MACROD2: variants seen among roughly 807,000 people sequenced by gnomAD.
MACROD2 encodes the protein ADP-ribose glycohydrolase MACROD2.
MACROD2 carries 36 observed loss-of-function variants against 70.4 expected under a neutral mutation model. That is an observed-to-expected ratio of 0.51 (90% CI 0.39 to 0.68). The LOEUF (loss-of-function observed/expected upper bound fraction) is 0.68, where lower values mean the gene tolerates loss of function less well. Among genes scored for constraint, MACROD2 ranks in the 30% least tolerant of loss-of-function variants. The probability of loss-of-function intolerance (pLI) is 0.00; values close to 1 mark genes in which losing one functional copy is unlikely to be tolerated. For missense variants in MACROD2, 496 were observed against 538.4 expected (o/e 0.92, Z 0.78); for synonymous variants, 172 against 178.8 (o/e 0.96, Z 0.30).
intron 6 of MACROD2, among the ~76,000 whole-genome samples, chr20:15,238,946 G>A (rs1412035155): frequency 6.6e-6 from 1 of 152,192 alleles, no homozygotes; most frequent in Non-Finnish European, 1.5e-5. Flanking sequence ...TATAGAAACA[G>A]TAAAGAGATT....
intron 8 of MACROD2, among the ~76,000 whole-genome samples, chr20:15,624,174 A>G (rs2049169150): frequency 6.6e-6 from 1 of 152,186 alleles, no homozygotes; most frequent in African/African-American, 2.4e-5. Context: ...CTGATGTTTG[A>G]GGGCAGGAAG....
At chr20:14,445,695 T>C (rs545598672) in intron 3 of MACROD2, among the ~76,000 whole-genome samples, 1 of 152,264 alleles carries the variant, frequency 6.6e-6, no homozygotes, top group East Asian at 1.9e-4. Context: ...TTTTTAAAAT[T>C]TCAGTGCTTT....
chr20:14,092,432 T>C (rs2054163255), intron 3 of MACROD2, among the ~76,000 whole-genome samples: 1 of 152,200 alleles, frequency 6.6e-6, no homozygotes, highest in Admixed American at 6.5e-5. Context: ...TGAAATATAC[T>C]ACAGCCCACA....
chr20:15,150,379 C>T (rs959462413), intron 5 of MACROD2, among the ~76,000 whole-genome samples: 1 of 152,074 alleles, frequency 6.6e-6, no homozygotes, highest in Non-Finnish European at 1.5e-5. Context: ...AGGTTGGGCA[C>T]CACAGGGTGG....
Position 15,431,423 on chromosome 20 carries a change from A to G in MACROD2, c.559A>G (p.Thr187Ala), listed in dbSNP as rs1434937735. Residue 187 changes from threonine (T) to alanine (A), a missense_variant, in exon 7 of 18, where the codon ACA becomes GCA. Coordinates refer to ENST00000684519, the MANE Select transcript of MACROD2 (RefSeq NM_001351661.2). ...TTCACAGGCATTTCCCTGCATCTCA[A>G]CAGGCATTTATGGTAAGTGATACAG... ...IRSVAFPCIS[T>A]GIYGFPNEPA... 6.2e-7 allele frequency: 1 copy of G among 1,611,434 alleles called. No individual in the cohort carries two copies. The highest frequency in any genetic ancestry group is 8.5e-7 in the Non-Finnish European group (1 of 1,178,156).
intron 5 of MACROD2, among the ~76,000 whole-genome samples, chr20:15,165,193 C>T (rs6043121): frequency 0.023 from 3,505 of 152,266 alleles, 126 homozygotes; most frequent in African/African-American, 0.08. Context: ...CGGTGGCTTA[C>T]GCCTGTAATC....
At chr20:14,931,289 AG>A (rs2074293803) in intron 5 of MACROD2, among the ~76,000 whole-genome samples, 1 of 152,186 alleles carries the variant, frequency 6.6e-6, no homozygotes, top group African/African-American at 2.4e-5. Context: ...GAGGCTGGAT[AG>A]GAAAACCACT....
intron 6 of MACROD2, among the ~76,000 whole-genome samples, chr20:15,288,308 G>C (rs554006919): frequency 6.6e-6 from 1 of 152,196 alleles, no homozygotes; most frequent in African/African-American, 2.4e-5. Flanking sequence ...CAGGCAGGCT[G>C]TCTCCATGGT....
At chr20:15,056,369 C>T (rs1365877772) in intron 5 of MACROD2, among the ~76,000 whole-genome samples, 1 of 152,088 alleles carries the variant, frequency 6.6e-6, no homozygotes, top group East Asian at 1.9e-4. Context: ...ATGCCTTGCC[C>T]CAAGCACTCA....
At chr20:15,443,665 CTG>C (rs1443967606) in intron 7 of MACROD2, among the ~76,000 whole-genome samples, 2 of 152,134 alleles carry the variant, frequency 1.3e-5, no homozygotes, top group Non-Finnish European at 2.9e-5. Context: ...GCTTATGAAA[CTG>C]GGCTCTAAGT....
rs1273678406 is a variant in MACROD2 at position 15,199,054 on chromosome 20, G to A, written c.419-30886G>A. ...GTGATCTACATCCTTTTAGATAGTG[G>A]CAACTGGACAGATGTAACATTAATC... On this transcript the variant is annotated intron_variant, in intron 5 of 17. Transcript: ENST00000684519. Among the ~76,000 whole-genome samples the A allele has an allele frequency of 4.8e-5, 7 of 146,394 alleles. No individual in the cohort carries two copies. In the Admixed American group the frequency reaches 4.9e-4, roughly 10 times the overall value.
intron 12 of MACROD2, among the ~76,000 whole-genome samples, chr20:15,957,953 G>C (rs2066000963): frequency 6.6e-6 from 1 of 152,136 alleles, no homozygotes; most frequent in Admixed American, 6.5e-5. Flanking sequence ...AGTTTTTGCT[G>C]GTTCTATTTG....
chr20:15,660,745 G>A (rs1219582529), intron 8 of MACROD2, among the ~76,000 whole-genome samples: 1 of 152,186 alleles, frequency 6.6e-6, no homozygotes, highest in Non-Finnish European at 1.5e-5. Flanking sequence ...GGCATGAACT[G>A]TGGTGTGCAT....
intron 10 of MACROD2, among the ~76,000 whole-genome samples, chr20:15,914,916 T>G (rs2065290355): frequency 1.4e-5 from 2 of 143,566 alleles, no homozygotes; most frequent in South Asian, 4.8e-4. Flanking sequence ...GGAAAACAAT[T>G]TACTTACTGC....
chr20:15,519,117 T>TCCTTCCTC (rs1491128181), intron 8 of MACROD2, among the ~76,000 whole-genome samples: 1 of 139,758 alleles, frequency 7.2e-6, no homozygotes, highest in Non-Finnish European at 1.6e-5. Flanking sequence ...CTTCCTTCCT[T>TCCTTCCTC]CCTTTCTTTC....
At chr20:15,545,414 T>C (rs2048013281) in intron 8 of MACROD2, among the ~76,000 whole-genome samples, 1 of 152,196 alleles carries the variant, frequency 6.6e-6, no homozygotes, top group African/African-American at 2.4e-5. Flanking sequence ...TTTTGTTCCG[T>C]AATGATATTT....
intron 3 of MACROD2, among the ~76,000 whole-genome samples, chr20:14,211,645 C>T (rs972901807): frequency 3.9e-5 from 6 of 152,088 alleles, no homozygotes; most frequent in Non-Finnish European, 7.4e-5. Flanking sequence ...TAGCTCTGGC[C>T]GATGGAAGTC....
intron 3 of MACROD2, among the ~76,000 whole-genome samples, chr20:14,217,629 G>A (rs1451081880): frequency 4.6e-5 from 7 of 152,020 alleles, no homozygotes; most frequent in Non-Finnish European, 8.8e-5. Flanking sequence ...CTGTGAATCC[G>A]TCTGGTCCTG....
chr20:14,055,644 G>A (rs564542230), intron 2 of MACROD2, among the ~76,000 whole-genome samples: 28 of 152,064 alleles, frequency 1.8e-4, no homozygotes, highest in African/African-American at 6.7e-4. Flanking sequence ...GTCTTTTTGT[G>A]GCACCTGACA....
Sources: gnomAD v4.1 joint callset for allele counts (sites outside exome capture counted in the v4.1 genomes callset) on GRCh38, gnomAD v4.1.1 for gene constraint, MANE v1.5 for transcripts, NCBI Gene and HGNC (gene_info 2026-07-23, HGNC 2026-07-21) for gene names.